ELOVL2: variants seen among roughly 807,000 people sequenced by gnomAD.
The protein encoded by ELOVL2 is ELOVL fatty acid elongase 2, also known as very long chain fatty acid elongase 2.
ELOVL2 carries 38 observed loss-of-function variants against 37.7 expected under a neutral mutation model. The observed-to-expected ratio is 1.01, with a 90% CI of 0.78 to 1.32. The LOEUF (loss-of-function observed/expected upper bound fraction) is 1.32. Among genes scored for constraint, ELOVL2 ranks in the 40% most tolerant of loss-of-function variants. The pLI is 0.00. For missense variants in ELOVL2, 352 were observed against 363.6 expected, an observed-to-expected ratio of 0.97 and a Z score of 0.26; for synonymous variants, 115 against 122.3, an observed-to-expected ratio of 0.94 and a Z score of 0.40.
intron 3 of ELOVL2, among the ~76,000 whole-genome samples, chr6:11,004,415 T>A (rs1408965692): frequency 1.4e-5 from 2 of 145,962 alleles, no homozygotes; most frequent in Non-Finnish European, 3.0e-5. Context: ...TCTTTGTCCC[T>A]CTTTTTTTTT....
chr6:11,001,904 C>G (rs1312496108), intron 3 of ELOVL2, among the ~76,000 whole-genome samples: 1 of 152,176 alleles, frequency 6.6e-6, no homozygotes, highest in Non-Finnish European at 1.5e-5. Flanking sequence ...TTAGAATCCA[C>G]CAGCTTCTTC....
chr6:11,029,057 CAAAAAAAAAAAA>C (rs61212546), intron 1 of ELOVL2, among the ~76,000 whole-genome samples: 3 of 83,554 alleles, frequency 3.6e-5, no homozygotes, highest in Non-Finnish European at 7.4e-5. Context: ...TTTGTCTCTA[CAAAAAAAAAAAA>C]AAAAAAAAAA....
At chr6:11,005,877 A>T (rs1478246854) in intron 2 of ELOVL2, among the ~76,000 whole-genome samples, 1 of 152,188 alleles carries the variant, frequency 6.6e-6, no homozygotes, top group African/African-American at 2.4e-5. Context: ...AATATGAAGT[A>T]AGTACTATTA....
chr6:11,002,573 C>T (rs1782406948), intron 3 of ELOVL2, among the ~76,000 whole-genome samples: 1 of 152,116 alleles, frequency 6.6e-6, no homozygotes, highest in African/African-American at 2.4e-5. Context: ...TGATTTTACA[C>T]CTATACAAAG....
intron 1 of ELOVL2, among the ~76,000 whole-genome samples, chr6:11,031,839 C>T (rs1782934539): frequency 6.6e-6 from 1 of 152,120 alleles, no homozygotes; most frequent in Non-Finnish European, 1.5e-5. Flanking sequence ...ATATTGTTAT[C>T]AGGTAGAGAT....
At chr6:10,984,489 T>C (rs1234201773) in intron 7 of ELOVL2, among the ~76,000 whole-genome samples, 4 of 148,254 alleles carry the variant, frequency 2.7e-5, no homozygotes, top group African/African-American at 9.9e-5. Context: ...TAGGTATATC[T>C]CCTAAAGCTA....
chr6:11,005,556 G>C lies in ELOVL2; in HGVS notation c.71C>G (p.Ser24Cys), dbSNP rs1455379531. The C allele has an allele frequency of 6.2e-7, 1 of 1,611,882 alleles. No individual in the cohort carries two copies. The highest frequency in any genetic ancestry group is 2.2e-5 in the East Asian group (1 of 44,798). The change falls in exon 3 of 8, where the codon TCT (serine) becomes TGT (cysteine). Residue 24 changes from serine (S) to cysteine (C), a missense_variant. Physicochemically the swap from Ser to Cys is moderately radical, Grantham distance 112 (BLOSUM62 -1). Transcript: ENST00000354666. The part of the protein sequence containing the change: ...FLDNMFGPRD[S>C]RVRGWFMLDS... ...CAACATGAACCACCCTCTGACTCGA[G>C]AATCTGAAAAGAAACACATACAGTG...
rs1405020819 is a variant in ELOVL2, at chr6:10,981,345, T to G, written c.*2436A>C. 6.6e-6 allele frequency: 1 copy of G among 152,628 alleles called. No individual in the cohort carries two copies. Among genetic ancestry groups the G allele is most frequent in the Non-Finnish European group, 1.5e-5 (1 of 68,044 alleles). 9.5% of individuals were successfully genotyped at this position (152,628 alleles called of 1,614,324 possible). A position where few individuals can be genotyped will look rare whatever the true frequency, so the allele number is the denominator to read the frequency against. Reference sequence around the variant, plus strand: ...AGAAAAATCACATTAAAATAAGCATTTTGGTTTTTTGAAGTTACAACACTT... The same window carrying G: ...AGAAAAATCACATTAAAATAAGCATGTTGGTTTTTTGAAGTTACAACACTT... On this transcript the variant is annotated 3_prime_UTR_variant, in exon 8 of 8. Transcript: ENST00000354666.
intron 1 of ELOVL2, among the ~76,000 whole-genome samples, chr6:11,017,845 C>T (rs1218799436): frequency 1.3e-5 from 2 of 152,136 alleles, no homozygotes; most frequent in African/African-American, 4.8e-5. Context: ...TCCAGTTAGC[C>T]CCAATTCCAA....
rs148161783 is a variant in ELOVL2, at chr6:10,997,328, CA to C, written c.334-2151del. Among the ~76,000 whole-genome samples the C allele has an allele frequency of 9.6e-3, 1,454 of 152,212 alleles. 20 individuals are homozygous for C. Among genetic ancestry groups the C allele is most frequent in the African/African-American group, 0.032 (1,349 of 41,522 alleles). On this transcript the variant is annotated intron_variant, in intron 4 of 7. Transcript: ENST00000354666. ...AGACTTTTTAACATAACCATGAAGTCATTCTGTTGTCTATCAACATTAACAA... is the reference window on the plus strand; with the variant it reads ...AGACTTTTTAACATAACCATGAAGTCTTCTGTTGTCTATCAACATTAACAA...
intron 1 of ELOVL2, among the ~76,000 whole-genome samples, chr6:11,040,841 T>G (rs1230985445): frequency 6.6e-6 from 1 of 152,216 alleles, no homozygotes; most frequent in Non-Finnish European, 1.5e-5. Context: ...GATAAAATAC[T>G]GAAGCCCAAG....
rs978436649 is a variant in ELOVL2, at chr6:10,981,925, A to G, written c.*1856T>C. On this transcript the variant is annotated 3_prime_UTR_variant, in exon 8 of 8. Transcript: ENST00000354666. ...ACTTGTGTTTTGTCACAGAGGAGCC[A>G]TTAACAGTCATGCTTGAAGCTAGCC... 2.6e-5 allele frequency: 4 copies of G among 152,262 alleles called. No homozygotes were observed. The highest frequency in any genetic ancestry group is 7.2e-5 in the African/African-American group (3 of 41,452). 9.4% of individuals were successfully genotyped at this position (152,262 alleles called of 1,614,324 possible).
chr6:11,012,852 G>A (rs1366876621), intron 1 of ELOVL2, among the ~76,000 whole-genome samples: 2 of 152,148 alleles, frequency 1.3e-5, no homozygotes, highest in Admixed American at 6.5e-5. Flanking sequence ...GGTCCTTATC[G>A]TCACAGAGTT....
At chr6:10,997,487 T>C (rs1422112084) in intron 4 of ELOVL2, among the ~76,000 whole-genome samples, 3 of 152,238 alleles carry the variant, frequency 2.0e-5, no homozygotes, top group Non-Finnish European at 4.4e-5. Context: ...CCATCTTCCA[T>C]TGGTTTGAAA....
At chr6:11,026,616 A>G (rs1258494558) in intron 1 of ELOVL2, among the ~76,000 whole-genome samples, 1 of 152,174 alleles carries the variant, frequency 6.6e-6, no homozygotes, top group East Asian at 1.9e-4. Flanking sequence ...TCGACTAACT[A>G]GGAGTTGCAG....
chr6:11,006,469 C>T (rs1459198187), intron 2 of ELOVL2, among the ~76,000 whole-genome samples: 1 of 152,156 alleles, frequency 6.6e-6, no homozygotes, highest in Non-Finnish European at 1.5e-5. Context: ...TGATTTGGCC[C>T]AGAATTATAA....
rs750804492 is a variant in ELOVL2 at position 11,010,806 on chromosome 6, G to A, written c.7C>T (p.His3Tyr). The change falls in exon 2 of 8, where the codon CAT (histidine) becomes TAT (tyrosine). Residue 3 changes from histidine (H) to tyrosine (Y), a missense_variant. By Grantham distance (83) the His-to-Tyr change is moderately conservative. Coordinates refer to ENST00000354666, the MANE Select transcript of ELOVL2 (RefSeq NM_017770.4). MEHLKAFDDEINA... is the reference protein window; with the variant it reads MEYLKAFDDEINA... ...ATTTCATCATCAAAGGCCTTTAGAT[G>A]TTCCTAAAAAGAGAAAGAAAAAATG... 1.9e-6 allele frequency: 3 copies of A among 1,605,686 alleles called. No homozygotes were observed. Among genetic ancestry groups the A allele is most frequent in the Middle Eastern group, 3.3e-4 (2 of 6,040 alleles).
intron 1 of ELOVL2, among the ~76,000 whole-genome samples, chr6:11,034,938 G>T (rs563429647): frequency 6.6e-6 from 1 of 152,266 alleles, no homozygotes; most frequent in East Asian, 1.9e-4. Context: ...AGGAGATGGA[G>T]GTTGCAGTGA....
At chr6:10,995,636 C>T (rs1470497549) in intron 4 of ELOVL2, among the ~76,000 whole-genome samples, 1 of 152,220 alleles carries the variant, frequency 6.6e-6, no homozygotes, top group East Asian at 1.9e-4. Context: ...TAATATTCCT[C>T]TTAAATGCCA....
Sources: allele counts gnomAD v4.1 joint callset (sites outside exome capture counted in the v4.1 genomes callset), GRCh38; gene constraint gnomAD v4.1.1; transcripts MANE v1.5; gene names NCBI Gene and HGNC (gene_info 2026-07-23, HGNC 2026-07-21).